Variants in COLGALT2 observed in about 807,000 individuals in gnomAD.
COLGALT2 encodes collagen beta(1-O)galactosyltransferase 2.
A neutral mutation model predicts 73.4 loss-of-function variants in COLGALT2; 49 were observed. The observed-to-expected ratio is 0.67, with a 90% confidence interval of 0.53 to 0.85. The LOEUF (loss-of-function observed/expected upper bound fraction) is 0.85, where lower values mean the gene tolerates loss of function less well. Ranked by LOEUF, COLGALT2 falls within the 40% of genes least tolerant of loss-of-function variation. The probability of loss-of-function intolerance (pLI) is 0.00; values close to 1 mark genes in which losing one functional copy is unlikely to be tolerated. For synonymous variants in COLGALT2, 295 were observed against 307.6 expected, an observed-to-expected ratio of 0.96 and a Z score of 0.43; for missense variants, 722 against 790.2, an observed-to-expected ratio of 0.91 and a Z score of 1.03.
chr1:184,026,609 G>C (rs559169318), intron 1 of COLGALT2, among the ~76,000 whole-genome samples: 84 of 152,158 alleles, frequency 5.5e-4, no homozygotes, highest in Non-Finnish European at 8.1e-4. Flanking sequence ...TTCATAGCTA[G>C]TGAAGACACC....
At chr1:183,978,359 T>G in intron 2 of COLGALT2, 51 bp downstream of exon 2, 2 of 1,027,998 alleles carry the variant, frequency 1.9e-6, no homozygotes, top group Non-Finnish European at 1.5e-6. Flanking sequence ...AAGAGCTAGT[T>G]AAAGAGGAAG....
chr1:183,991,265 T>A (rs1490876078), intron 1 of COLGALT2, among the ~76,000 whole-genome samples: 1 of 152,232 alleles, frequency 6.6e-6, no homozygotes, highest in Non-Finnish European at 1.5e-5. Context: ...AAAGTGGTTA[T>A]ATTTATTAAG....
chr1:183,965,164 TAGCTC>T (rs1670832088), intron 5 of COLGALT2, among the ~76,000 whole-genome samples: 1 of 152,234 alleles, frequency 6.6e-6, no homozygotes, highest in African/African-American at 2.4e-5. Context: ...GCAAACTCAT[TAGCTC>T]TGCTGTTTGC....
At chr1:184,019,745 T>G (rs1174053404) in intron 1 of COLGALT2, among the ~76,000 whole-genome samples, 1 of 152,216 alleles carries the variant, frequency 6.6e-6, no homozygotes, top group East Asian at 1.9e-4. Context: ...TGAGATGTGC[T>G]GTGACGTCAA....
At chr1:183,953,323 T>C (rs1670457058) in intron 7 of COLGALT2, among the ~76,000 whole-genome samples, 1 of 152,118 alleles carries the variant, frequency 6.6e-6, no homozygotes, top group African/African-American at 2.4e-5. Flanking sequence ...AACCTCAGAC[T>C]CAGGAAAGTA....
intron 1 of COLGALT2, among the ~76,000 whole-genome samples, chr1:184,018,575 T>A (rs953029547): frequency 3.3e-5 from 5 of 152,170 alleles, no homozygotes; most frequent in Non-Finnish European, 7.3e-5. Context: ...CATAGGAAAT[T>A]TTTTCATTGC....
chr1:183,978,468 A>T lies in COLGALT2; in HGVS notation c.316T>A (p.Leu106Met), dbSNP rs780791595. The T allele has an allele frequency of 6.2e-7, 1 of 1,612,918 alleles. No individual in the cohort carries two copies. Among genetic ancestry groups the T allele is most frequent in the Non-Finnish European group, 8.5e-7 (1 of 1,179,140 alleles). ...TGATAGAGTCTCTGTACATTTTTCAACCACTCCCTGAATATTTCTGTTGTA... is the reference window on the plus strand; with the variant it reads ...TGATAGAGTCTCTGTACATTTTTCATCCACTCCCTGAATATTTCTGTTGTA... ...DNTTEIFREWLKNVQRLYHYV... is the reference protein window; with the variant it reads ...DNTTEIFREWMKNVQRLYHYV... The change falls in exon 2 of 12, where the codon TTG becomes ATG. Residue 106 changes from leucine (L) to methionine (M), a missense_variant. Physicochemically the swap from Leu to Met is conservative, Grantham distance 15. Coordinates refer to ENST00000361927, the MANE Select transcript of COLGALT2 (RefSeq NM_015101.4).
intron 1 of COLGALT2, among the ~76,000 whole-genome samples, chr1:183,998,581 A>C (rs896517128): frequency 6.6e-6 from 1 of 152,102 alleles, no homozygotes; most frequent in African/African-American, 2.4e-5. Context: ...CTTTCAAATA[A>C]ATCTTATAAT....
chr1:183,945,639 T>C (rs2102791724), intron 8 of COLGALT2, 75 bp from the exon 9 acceptor site: 5 of 1,489,958 alleles, frequency 3.4e-6, no homozygotes, highest in Non-Finnish European at 4.6e-6. Context: ...AAGAGAGAGT[T>C]AGTTCTGCAA....
intron 1 of COLGALT2, among the ~76,000 whole-genome samples, chr1:184,024,513 C>T (rs1428358948): frequency 6.6e-6 from 1 of 151,780 alleles, no homozygotes; most frequent in Non-Finnish European, 1.5e-5. Context: ...TCACCACACC[C>T]GGCTAATTTT....
Position 183,964,086 on chromosome 1 carries a change from G to A in COLGALT2, c.833-66C>T, listed in dbSNP as rs566383445. 74 of 1,566,720 alleles carry A rather than the reference G, an allele frequency of 4.7e-5. No individual in the cohort carries two copies. In the African/African-American group the frequency reaches 9.2e-4, roughly 19 times the overall value. ...CATACTGCTGAGTGACAAGCGAGGAGAAGGAACCTGAACTGTGTCTGATGC... is the reference window on the plus strand; with the variant it reads ...CATACTGCTGAGTGACAAGCGAGGAAAAGGAACCTGAACTGTGTCTGATGC... On this transcript the variant is annotated intron_variant, in intron 5 of 11. Coordinates refer to ENST00000361927, the MANE Select transcript of COLGALT2 (RefSeq NM_015101.4).
intron 7 of COLGALT2, 45 bp from the exon 8 acceptor site, chr1:183,951,158 T>A (rs1670388163): frequency 7.2e-7 from 1 of 1,395,202 alleles, no homozygotes; most frequent in African/African-American, 1.4e-5. Flanking sequence ...ATTACTCAAG[T>A]CTTCTTTTAG....
intron 1 of COLGALT2, among the ~76,000 whole-genome samples, chr1:183,999,865 T>C (rs1051819890): frequency 1.3e-5 from 2 of 152,138 alleles, no homozygotes; most frequent in Non-Finnish European, 2.9e-5. Flanking sequence ...GTTCTTTTCA[T>C]AGAACCATAT....
chr1:183,976,210 G>A (rs1434865809), intron 2 of COLGALT2, among the ~76,000 whole-genome samples: 1 of 152,004 alleles, frequency 6.6e-6, no homozygotes, highest in East Asian at 1.9e-4. Flanking sequence ...AAGTATTTCT[G>A]TGCCATTTTT....
In COLGALT2 at chr1:183,936,897, T is replaced by C. The variant is rs1004973104; in HGVS notation, c.*1864A>G. The C allele has an allele frequency of 6.1e-5, 75 of 1,231,604 alleles. No homozygotes were observed. The highest frequency in any genetic ancestry group is 6.9e-5 in the Non-Finnish European group (68 of 988,006). 76.3% of individuals were successfully genotyped at this position (1,231,604 alleles called of 1,614,324 possible). On this transcript the variant is annotated 3_prime_UTR_variant, in exon 12 of 12. Transcript: ENST00000361927. ...GGGAAGGAAGGCCGAGGCTGGCGTC[T>C]GGTGGAAGGCAAGCTGCCTCTTGTC...
At chr1:184,031,939 C>A (rs1183664490) in intron 1 of COLGALT2, among the ~76,000 whole-genome samples, 1 of 151,742 alleles carries the variant, frequency 6.6e-6, no homozygotes, top group African/African-American at 2.4e-5. Flanking sequence ...CTGTGTTGCC[C>A]AGGAAGAAGC....
At chr1:183,995,092 G>C (rs1671735918) in intron 1 of COLGALT2, among the ~76,000 whole-genome samples, 1 of 150,894 alleles carries the variant, frequency 6.6e-6, no homozygotes, top group Non-Finnish European at 1.5e-5. Context: ...ATAAACATTA[G>C]AAAAAAAACA....
At chr1:184,032,680 G>A (rs923781812) in intron 1 of COLGALT2, among the ~76,000 whole-genome samples, 1 of 152,292 alleles carries the variant, frequency 6.6e-6, no homozygotes, top group Non-Finnish European at 1.5e-5. Flanking sequence ...GCCATAAACC[G>A]AAACTTCTAT....
At chr1:183,963,542 T>C (rs1284458667) in intron 6 of COLGALT2, among the ~76,000 whole-genome samples, 1 of 152,186 alleles carries the variant, frequency 6.6e-6, no homozygotes, top group Non-Finnish European at 1.5e-5. Flanking sequence ...TTTCATTATT[T>C]CCATTTTACA....
Sources: gnomAD v4.1 joint callset for allele counts (sites outside exome capture counted in the v4.1 genomes callset) on GRCh38, gnomAD v4.1.1 for gene constraint, MANE v1.5 for transcripts, NCBI Gene and HGNC (gene_info 2026-07-23, HGNC 2026-07-21) for gene names.